Variants in HIP1 observed in about 807,000 individuals in gnomAD.
HIP1 encodes huntingtin interacting protein 1, also known as huntingtin-interacting protein 1.
In HIP1, 65 loss-of-function variants were observed where a neutral mutation model predicts 147.6. That is an observed-to-expected ratio of 0.44 (90% CI 0.36 to 0.54). The LOEUF (loss-of-function observed/expected upper bound fraction) is 0.54, where lower values mean the gene tolerates loss of function less well. Ranked by LOEUF, HIP1 falls within the 20% of genes least tolerant of loss-of-function variation. The pLI is 0.00. For missense variants in HIP1, 1,061 were observed against 1,299.6 expected, an observed-to-expected ratio of 0.82 and a Z score of 2.82; for synonymous variants, 479 against 504.0, an observed-to-expected ratio of 0.95 and a Z score of 0.67.
chr7:75,616,653 C>T (rs117811414), intron 1 of HIP1, among the ~76,000 whole-genome samples: 1,918 of 151,350 alleles, frequency 0.013, 13 homozygotes, highest in East Asian at 0.067. Context: ...ATAGTAGCAG[C>T]AGGAAGCCAC....
At chr7:75,584,023 T>C (rs1028747306) in intron 5 of HIP1, among the ~76,000 whole-genome samples, 4 of 151,302 alleles carry the variant, frequency 2.6e-5, no homozygotes, top group African/African-American at 9.7e-5. Flanking sequence ...TGCAATGGCA[T>C]GATCTCAGCT....
At chr7:75,735,381 A>AC (rs1801984058) in intron 1 of HIP1, among the ~76,000 whole-genome samples, 2 of 152,184 alleles carry the variant, frequency 1.3e-5, no homozygotes, top group Non-Finnish European at 2.9e-5. Context: ...TGTGGCTGAT[A>AC]CCCACCTCAT....
rs587730278 is a variant in HIP1 at position 75,601,764 on chromosome 7, G to C, written c.121-2517C>G. 2.6e-5 allele frequency among the ~76,000 whole-genome samples: 4 copies of C among 152,140 alleles called. No homozygotes were observed. The South Asian group carries it at 8.3e-4, about 32-fold the overall frequency. ...TGAATGGTTGCGATGGAGACCATGC[G>C]GCCTGCAAAGCCTAAAATATTTACT... On this transcript the variant is annotated intron_variant, in intron 1 of 30. Coordinates refer to ENST00000336926, the MANE Select transcript of HIP1 (RefSeq NM_005338.7).
At chr7:75,679,391 A>G (rs1005301977) in intron 1 of HIP1, among the ~76,000 whole-genome samples, 38 of 152,224 alleles carry the variant, frequency 2.5e-4, no homozygotes, top group African/African-American at 9.1e-4. Flanking sequence ...TTCTGTAGAG[A>G]CAGAGTTTCA....
At chr7:75,545,759 C>T (rs934009493) in intron 25 of HIP1, among the ~76,000 whole-genome samples, 4 of 151,790 alleles carry the variant, frequency 2.6e-5, no homozygotes, top group African/African-American at 9.7e-5. Context: ...TCCTGTCTAA[C>T]ATGGTGAAAC....
chr7:75,721,318 G>A (rs1408200768), intron 1 of HIP1, among the ~76,000 whole-genome samples: 1 of 151,660 alleles, frequency 6.6e-6, no homozygotes, highest in Admixed American at 6.6e-5. Flanking sequence ...AGGTTGCAGT[G>A]AGCCGAGATT....
In HIP1 at chr7:75,537,841, T is replaced by C. The variant is rs1408990681; in HGVS notation, c.*331A>G. The C allele has an allele frequency of 1.7e-5, 6 of 352,998 alleles. No individual in the cohort carries two copies. Among genetic ancestry groups the C allele is most frequent in the Non-Finnish European group, 3.1e-5 (6 of 191,516 alleles). 21.9% of individuals were successfully genotyped at this position (352,998 alleles called of 1,614,324 possible). On this transcript the variant is annotated 3_prime_UTR_variant, in exon 31 of 31. Transcript: ENST00000336926. ...GATACCCATTGTTGTGGGGGTCAAATAGTCAGCAGGACTGGATGTTGGTCC... is the reference window on the plus strand; with the variant it reads ...GATACCCATTGTTGTGGGGGTCAAACAGTCAGCAGGACTGGATGTTGGTCC...
At chr7:75,595,315 T>TTCCC (rs1362913203) in intron 2 of HIP1, among the ~76,000 whole-genome samples, 2 of 149,204 alleles carry the variant, frequency 1.3e-5, no homozygotes, top group Admixed American at 1.4e-4. Context: ...CCTTCCTTCC[T>TTCCC]TCCCTCCCTC....
intron 1 of HIP1, among the ~76,000 whole-genome samples, chr7:75,666,667 A>T (rs1554514666): frequency 6.6e-6 from 1 of 152,158 alleles, no homozygotes; most frequent in African/African-American, 2.4e-5. Context: ...AGGGCAAGGG[A>T]GATGCGAGAA....
chr7:75,705,023 G>A (rs919564406), intron 1 of HIP1, among the ~76,000 whole-genome samples: 4 of 152,242 alleles, frequency 2.6e-5, no homozygotes, highest in Non-Finnish European at 5.9e-5. Context: ...TAAAATACAC[G>A]TAATATAAAA....
chr7:75,645,248 C>T (rs920049660), intron 1 of HIP1, among the ~76,000 whole-genome samples: 7 of 151,622 alleles, frequency 4.6e-5, no homozygotes, highest in South Asian at 2.1e-4. Flanking sequence ...TTTTTTGAGA[C>T]GAAGTTTCAC....
chr7:75,545,176 G>A lies in HIP1; in HGVS notation c.2572C>T (p.Pro858Ser). ...GAGTTCTTGGCATAAAACTCTTTAG[G>A]GGATGCTGTACCCTAGGGAAATAAA... Reference protein sequence around the residue: ...IVESGRGTASPKEFYAKNSRW... With the variant: ...IVESGRGTASSKEFYAKNSRW... The change falls in exon 26 of 31, where the codon CCT (proline) becomes TCT (serine). Residue 858 changes from proline (P) to serine (S), a missense_variant. Physicochemically the swap from Pro to Ser is moderately conservative, Grantham distance 74. Transcript: ENST00000336926. The A allele has an allele frequency of 6.2e-7, 1 of 1,607,026 alleles. No individual in the cohort carries two copies. Among genetic ancestry groups the A allele is most frequent in the Admixed American group, 1.7e-5 (1 of 59,312 alleles).
chr7:75,538,614 G>A (rs1167833), intron 30 of HIP1, among the ~76,000 whole-genome samples: 77,419 of 137,164 alleles, frequency 0.56, 21,534 homozygotes, highest in African/African-American at 0.64. Context: ...TCGCTCTGTT[G>A]CCCAGGCTGG....
At chr7:75,589,402 G>C (rs1361892541) in intron 4 of HIP1, among the ~76,000 whole-genome samples, 1 of 151,580 alleles carries the variant, frequency 6.6e-6, no homozygotes, top group Non-Finnish European at 1.5e-5. Context: ...ATCTGAAAAG[G>C]GGCTGGGCGC....
intron 1 of HIP1, among the ~76,000 whole-genome samples, chr7:75,731,410 G>C (rs1446794854): frequency 6.9e-6 from 1 of 144,330 alleles, no homozygotes; most frequent in African/African-American, 2.5e-5. Flanking sequence ...TTGAACCCAG[G>C]AGTCACATAT....
intron 1 of HIP1, among the ~76,000 whole-genome samples, chr7:75,610,048 C>A (rs1234794540): frequency 1.3e-5 from 2 of 151,482 alleles, no homozygotes; most frequent in African/African-American, 4.8e-5. Flanking sequence ...GATTATAGGC[C>A]CACACCACCA....
At chr7:75,612,977 G>C (rs782213816) in intron 1 of HIP1, among the ~76,000 whole-genome samples, 21 of 151,960 alleles carry the variant, frequency 1.4e-4, no homozygotes, top group Non-Finnish European at 3.1e-4. Flanking sequence ...GGTGGCAGGT[G>C]CCTGTAATCC....
Position 75,563,239 on chromosome 7 carries a change from G to A in HIP1, c.828C>T (p.Ser276=), listed in dbSNP as rs1190715476. ...FTKLKDLFYR[S]SNLQYFKRLI... ...GCCGCTTGAAGTACTGCAGGTTGCT[G>A]GAGCGGTAGAACAGATCTTTCAACC... The change falls in exon 10 of 31, where the codon TCC becomes TCT. Residue 276 remains serine, a synonymous_variant. Coordinates refer to ENST00000336926, the MANE Select transcript of HIP1 (RefSeq NM_005338.7). 4 of 1,614,082 alleles carry A rather than the reference G, an allele frequency of 2.5e-6. No individual in the cohort carries two copies. The highest frequency in any genetic ancestry group is 3.4e-6 in the Non-Finnish European group (4 of 1,180,042).
intron 1 of HIP1, among the ~76,000 whole-genome samples, chr7:75,698,841 T>C (rs565731860): frequency 3.9e-5 from 6 of 152,010 alleles, no homozygotes; most frequent in African/African-American, 9.7e-5. Flanking sequence ...AAATCTATTA[T>C]ATGCAAGGAG....
Sources: allele counts gnomAD v4.1 joint callset (sites outside exome capture counted in the v4.1 genomes callset), GRCh38; gene constraint gnomAD v4.1.1; transcripts MANE v1.5; gene names NCBI Gene and HGNC (gene_info 2026-07-23, HGNC 2026-07-21).